The following PRTN3 variants were observed in gnomAD, a reference collection of about 807,000 sequenced individuals.
The protein encoded by PRTN3 is proteinase 3.
In PRTN3, 22 loss-of-function variants were observed where a neutral mutation model predicts 20.7. The observed-to-expected ratio is 1.06, with a 90% CI of 0.76 to 1.52. The LOEUF (loss-of-function observed/expected upper bound fraction) is 1.52. PRTN3 is among the 40% of genes most tolerant of loss of function. PRTN3 has a pLI of 0.00. For synonymous variants in PRTN3, 173 were observed against 152.9 expected, an observed-to-expected ratio of 1.13 and a Z score of -0.97; for missense variants, 378 against 359.6, an observed-to-expected ratio of 1.05 and a Z score of -0.41.
chr19:845,897 C>T (rs1180271445), intron 3 of PRTN3, among the ~76,000 whole-genome samples: 5 of 151,838 alleles, frequency 3.3e-5, no homozygotes, highest in East Asian at 3.9e-4. Context: ...TCCAGTGAGC[C>T]GAGATCACGC....
At position 848,100 on chromosome 19, in the gene PRTN3, C is replaced by T; in HGVS notation, c.*131C>T. ...ACGGCCCCACCCGTCCCCCCACACTCCCTCCCACGGGGCTCCGGGAGACAG... is the reference window on the plus strand; with the variant it reads ...ACGGCCCCACCCGTCCCCCCACACTTCCTCCCACGGGGCTCCGGGAGACAG... On this transcript the variant is annotated 3_prime_UTR_variant, in exon 5 of 5. Coordinates refer to ENST00000234347, the MANE Select transcript of PRTN3 (RefSeq NM_002777.4). 8.4e-7 allele frequency: 1 copy of T among 1,189,052 alleles called. No individual in the cohort carries two copies. The highest frequency in any genetic ancestry group is 1.5e-5 in the South Asian group (1 of 65,316). 73.7% of individuals were successfully genotyped at this position (1,189,052 alleles called of 1,614,324 possible).
chr19:847,875 C>G lies in PRTN3; in HGVS notation c.677C>G (p.Thr226Ser). 6.2e-7 allele frequency: 1 copy of G among 1,607,680 alleles called. No individual in the cohort carries two copies. The highest frequency in any genetic ancestry group is 8.5e-7 in the Non-Finnish European group (1 of 1,176,834). The change falls in exon 5 of 5, where the codon ACC (threonine) becomes AGC (serine). Residue 226 changes from threonine (T) to serine (S), a missense_variant. Physicochemically the swap from Thr to Ser is moderately conservative, Grantham distance 58. Coordinates refer to ENST00000234347, the MANE Select transcript of PRTN3 (RefSeq NM_002777.4). ...IDSFVIWGCA[T>S]RLFPDFFTRV... ...TCCTTCGTGATCTGGGGATGTGCCA[C>G]CCGCCTTTTCCCTGACTTCTTCACG...
chr19:843,459 AG>A lies in PRTN3; in HGVS notation c.62del. On this transcript the variant is annotated splice_acceptor_variant, in intron 1 of 4. Coordinates refer to ENST00000234347, the MANE Select transcript of PRTN3 (RefSeq NM_002777.4). LOFTEE classifies it high-confidence loss of function. ...CCTGACGCCTGGACTCCCCCCCTGC[AG>A]GTGCTGCCCGAGCTGCGGAGATCGT... is the stretch of plus-strand genomic sequence containing the variant. 1 of 1,557,544 alleles carries A rather than the reference AG, an allele frequency of 6.4e-7. No individual in the cohort carries two copies. Among genetic ancestry groups the A allele is most frequent in the Non-Finnish European group, 8.6e-7 (1 of 1,156,400 alleles).
chr19:847,806 C>A lies in PRTN3; in HGVS notation c.608C>A (p.Ser203Ter). ...RRKAGICFGD[S>*]GGPLICDGII... ...GCCGTCCCTGTCCTCCAGGGAGACT[C>A]AGGTGGCCCCCTGATCTGTGATGGC... Residue 203 changes from serine (S) to a stop codon, truncating the protein, a stop_gained, in exon 5 of 5, where the codon TCA (serine) becomes TAA (stop). Coordinates refer to ENST00000234347, the MANE Select transcript of PRTN3 (RefSeq NM_002777.4). LOFTEE classifies it low-confidence loss of function (END_TRUNC). The A allele has an allele frequency of 6.2e-7, 1 of 1,607,800 alleles. No homozygotes were observed. Among genetic ancestry groups the A allele is most frequent in the East Asian group, 2.2e-5 (1 of 44,818 alleles).
chr19:841,507 AGTG>A (rs2035438512), intron 1 of PRTN3, among the ~76,000 whole-genome samples: 1 of 148,060 alleles, frequency 6.8e-6, no homozygotes, highest in African/African-American at 2.5e-5. Context: ...TGAGTGAATG[AGTG>A]AACGAATGAA....
chr19:842,585 A>ATTTTTTTT (rs2035460028), intron 1 of PRTN3, among the ~76,000 whole-genome samples: 4 of 61,324 alleles, frequency 6.5e-5, no homozygotes, highest in Non-Finnish European at 1.1e-4. Context: ...ACACCTGGCT[A>ATTTTTTTT]ATTTTTTTTT....
chr19:841,832 T>A (rs12984038), intron 1 of PRTN3, among the ~76,000 whole-genome samples: 49,852 of 126,248 alleles, frequency 0.39, 10,342 homozygotes, highest in Admixed American at 0.51. Context: ...GGTTCACGCC[T>A]TTCTCCTGCC....
Position 846,248 on chromosome 19 carries a change from G to C in PRTN3, c.471G>C (p.Trp157Cys). Residue 157 changes from tryptophan to cysteine, a missense_variant, in exon 4 of 5, where the codon TGG (tryptophan) becomes TGC (cysteine). Trp to Cys is a radical substitution (Grantham distance 215). Coordinates refer to ENST00000234347, the MANE Select transcript of PRTN3 (RefSeq NM_002777.4). ...PHGTQCLAMG[W>C]GRVGAHDPPA... ...GCACCCAGTGCCTGGCCATGGGCTGGGGCCGCGTGGGTGCCCACGACCCCC... is the reference window on the plus strand; with the variant it reads ...GCACCCAGTGCCTGGCCATGGGCTGCGGCCGCGTGGGTGCCCACGACCCCC... 1.9e-6 allele frequency: 3 copies of C among 1,561,524 alleles called. No homozygotes were observed. Among genetic ancestry groups the C allele is most frequent in the Non-Finnish European group, 2.6e-6 (3 of 1,154,084 alleles).
At chr19:845,272 A>G (rs1301837820) in intron 3 of PRTN3, among the ~76,000 whole-genome samples, 1 of 151,568 alleles carries the variant, frequency 6.6e-6, no homozygotes, top group East Asian at 2.0e-4. Flanking sequence ...TTAAAAATCA[A>G]CCGGGCATGG....
chr19:846,168 A>C lies in PRTN3; in HGVS notation c.391A>C (p.Ser131Arg). 1 of 1,476,938 alleles carries C rather than the reference A, an allele frequency of 6.8e-7. No homozygotes were observed. Among genetic ancestry groups the C allele is most frequent in the Non-Finnish European group, 9.0e-7 (1 of 1,110,846 alleles). 91.5% of individuals were successfully genotyped at this position (1,476,938 alleles called of 1,614,324 possible). A position where few individuals can be genotyped will look rare whatever the true frequency, so the allele number is the denominator to read the frequency against. Residue 131 changes from serine to arginine, a missense_variant, in exon 4 of 5, where the codon AGT becomes CGT. By Grantham distance (110) the Ser-to-Arg change is moderately radical (BLOSUM62 -1). Transcript: ENST00000234347. ...CCAGCTGAGCAGCCCAGCCAACCTC[A>C]GTGCCTCCGTCGCCACAGTCCAGCT... ...LIQLSSPANL[S>R]ASVATVQLPQ...
In PRTN3 at chr19:843,449, C is replaced by A; in HGVS notation, c.62-12C>A. ...CTGGGGGCTCCCTGACGCCTGGACT[C>A]CCCCCCTGCAGGTGCTGCCCGAGCT... is the stretch of plus-strand genomic sequence containing the variant. On this transcript the variant is annotated splice_polypyrimidine_tract_variant and intron_variant, in intron 1 of 4. Coordinates refer to ENST00000234347, the MANE Select transcript of PRTN3 (RefSeq NM_002777.4). 5 of 1,544,406 alleles carry A rather than the reference C, an allele frequency of 3.2e-6. No homozygotes were observed. The highest frequency in any genetic ancestry group is 2.4e-5 in the South Asian group (2 of 83,968).
chr19:841,979 A>G (rs1180695172), intron 1 of PRTN3, among the ~76,000 whole-genome samples: 1 of 151,354 alleles, frequency 6.6e-6, no homozygotes, highest in Admixed American at 6.6e-5. Flanking sequence ...CGCCTGCCTC[A>G]GCCTCCCAAA....
In PRTN3 at chr19:843,921, G is replaced by A; in HGVS notation, c.256G>A (p.Gly86Arg). 5 of 1,597,332 alleles carry A rather than the reference G, an allele frequency of 3.1e-6. No homozygotes were observed. The highest frequency in any genetic ancestry group is 2.3e-5 in the East Asian group (1 of 44,188). The change falls in exon 3 of 5, where the codon GGA becomes AGA. Residue 86 changes from glycine (G) to arginine (R), a missense_variant. Gly to Arg is a moderately radical substitution (Grantham distance 125). Coordinates refer to ENST00000234347, the MANE Select transcript of PRTN3 (RefSeq NM_002777.4). ...CCAGCGCCTGGTGAACGTGGTGCTC[G>A]GAGCCCACAACGTGCGGACGCAGGA... ...IPQRLVNVVL[G>R]AHNVRTQEPT...
At position 847,953 on chromosome 19, in the gene PRTN3, C is replaced by T; in HGVS notation, c.755C>T (p.Ala252Val). The T allele has an allele frequency of 6.2e-7, 1 of 1,601,742 alleles. No homozygotes were observed. The highest frequency in any genetic ancestry group is 8.5e-7 in the Non-Finnish European group (1 of 1,174,282). The change falls in exon 5 of 5, where the codon GCC becomes GTC. Residue 252 changes from alanine to valine, a missense_variant. Physicochemically the swap from Ala to Val is moderately conservative, Grantham distance 64. Transcript: ENST00000234347. ...CGTTCCACGCTGCGCCGTGTGGAGG[C>T]CAAGGGCCGCCCCTGAACCGCCCCT... Reference protein sequence around the residue: ...WIRSTLRRVEAKGRP With the variant: ...WIRSTLRRVEVKGRP
Position 848,017 on chromosome 19 carries a change from C to T in PRTN3, c.*48C>T, listed in dbSNP as rs760775933. The T allele has an allele frequency of 4.5e-6, 7 of 1,549,242 alleles. No individual in the cohort carries two copies. The highest frequency in any genetic ancestry group is 6.1e-6 in the Non-Finnish European group (7 of 1,148,956). ...CCGGGACCCCGAGCCTGGCTCCAAA[C>T]CCTCGAGGCGGATCTTTGGACAGAA... On this transcript the variant is annotated 3_prime_UTR_variant, in exon 5 of 5. Coordinates refer to ENST00000234347, the MANE Select transcript of PRTN3 (RefSeq NM_002777.4).
intron 4 of PRTN3, 86 bp downstream of exon 4, chr19:846,463 G>A (rs1164232481): frequency 7.6e-7 from 1 of 1,315,034 alleles, no homozygotes; most frequent in Non-Finnish European, 1.0e-6. Context: ...CCTCTTAGCT[G>A]TGTGGCTTCA....
At chr19:842,054 C>A (rs2035451976) in intron 1 of PRTN3, among the ~76,000 whole-genome samples, 1 of 151,208 alleles carries the variant, frequency 6.6e-6, no homozygotes, top group African/African-American at 2.4e-5. Context: ...GAAACGGAAT[C>A]TTGCTCTGTC....
rs368332188 is a variant in PRTN3, at chr19:847,813, C to A, written c.615C>A (p.Gly205=). ...CTGTCCTCCAGGGAGACTCAGGTGG[C>A]CCCCTGATCTGTGATGGCATCATCC... The part of the protein sequence containing the change: ...KAGICFGDSG[G]PLICDGIIQG... The change falls in exon 5 of 5, where the codon GGC becomes GGA. Residue 205 remains glycine, a synonymous_variant. Coordinates refer to ENST00000234347, the MANE Select transcript of PRTN3 (RefSeq NM_002777.4). The A allele has an allele frequency of 3.7e-6, 6 of 1,607,910 alleles. No individual in the cohort carries two copies. The highest frequency in any genetic ancestry group is 4.2e-6 in the Non-Finnish European group (5 of 1,177,068).
At chr19:847,107 A>T (rs2035526957) in intron 4 of PRTN3, among the ~76,000 whole-genome samples, 1 of 151,956 alleles carries the variant, frequency 6.6e-6, no homozygotes, top group Admixed American at 6.6e-5. Flanking sequence ...GGAGTTCAAG[A>T]CCAGCCTGGG....
Sources: gnomAD v4.1 joint callset for allele counts (sites outside exome capture counted in the v4.1 genomes callset) on GRCh38, gnomAD v4.1.1 for gene constraint, MANE v1.5 for transcripts, NCBI Gene and HGNC (gene_info 2026-07-23, HGNC 2026-07-21) for gene names.